PKD2: variants seen among roughly 807,000 people sequenced by gnomAD.
PKD2 encodes polycystin-2.
Under a neutral mutation model 105.9 loss-of-function variants are expected in PKD2, and 48 were observed. That is an observed-to-expected ratio of 0.45 (90% CI 0.36 to 0.58). PKD2 has a LOEUF of 0.58. PKD2 is among the 20% of genes least tolerant of loss of function. The pLI is 0.00. For synonymous variants in PKD2, 464 were observed against 481.1 expected (o/e 0.96, Z 0.46); for missense variants, 1,078 against 1,255.3 (o/e 0.86, Z 2.13).
chr4:88,038,184 G>A (rs565148053), intron 3 of PKD2, 67 bp from the exon 4 acceptor site: 16 of 1,548,970 alleles, frequency 1.0e-5, no homozygotes, highest in East Asian at 4.5e-5. Context: ...TTATGCAAAC[G>A]ATGCAGGCAG....
intron 10 of PKD2, among the ~76,000 whole-genome samples, chr4:88,064,481 C>T (rs1047523254): frequency 3.3e-5 from 5 of 152,140 alleles, no homozygotes; most frequent in Non-Finnish European, 5.9e-5. Flanking sequence ...GTAAAGATCA[C>T]AGAACAATTG....
intron 2 of PKD2, among the ~76,000 whole-genome samples, chr4:88,026,749 GCCAGGC>G (rs1270780970): frequency 2.6e-5 from 4 of 152,214 alleles, no homozygotes; most frequent in African/African-American, 7.2e-5. Flanking sequence ...AATGGTGTGA[GCCAGGC>G]CCAGGCCCAG....
Position 88,045,121 on chromosome 4 carries a change from A to G in PKD2, c.1320-1521A>G, listed in dbSNP as rs149512580. On this transcript the variant is annotated intron_variant, in intron 5 of 14. Transcript: ENST00000237596. ...TTTCTTCTGCTTCCTCCCTTACTTTAAGGATGAACATTGTTAAGACAACTG... is the reference window on the plus strand; with the variant it reads ...TTTCTTCTGCTTCCTCCCTTACTTTGAGGATGAACATTGTTAAGACAACTG... Among the ~76,000 whole-genome samples, 25 of 152,348 alleles carry G rather than the reference A, an allele frequency of 1.6e-4. No homozygotes were observed. In the East Asian group the frequency reaches 4.4e-3, roughly 27 times the overall value.
At position 88,065,801 on chromosome 4, in the gene PKD2, A is replaced by G. The variant is rs766627230; in HGVS notation, c.2280A>G (p.Thr760=). The G allele has an allele frequency of 6.2e-7, 1 of 1,613,726 alleles. No homozygotes were observed. ...ATGCAGAGATTGAGGCAATATTCAC[A>G]AAGTACGACCAAGATGGAGACCAAG... The part of the protein sequence containing the change: ...HTDAEIEAIF[T]KYDQDGDQEL... The change falls in exon 12 of 15, where the codon ACA becomes ACG. Residue 760 remains threonine, a synonymous_variant. Transcript: ENST00000237596.
At chr4:88,069,722 GTA>G (rs1720942597) in intron 13 of PKD2, among the ~76,000 whole-genome samples, 1 of 152,184 alleles carries the variant, frequency 6.6e-6, no homozygotes, top group South Asian at 2.1e-4. Flanking sequence ...AGAAGAGGAA[GTA>G]TATATTTATA....
chr4:88,017,287 T>C (rs1419558963), intron 1 of PKD2, among the ~76,000 whole-genome samples: 1 of 152,126 alleles, frequency 6.6e-6, no homozygotes, highest in Non-Finnish European at 1.5e-5. Context: ...GATAAATAAA[T>C]TCATACATAC....
At chr4:88,075,098 A>G (rs770955811) in intron 14 of PKD2, 139 bp downstream of exon 14, 1 of 878,496 alleles carries the variant, frequency 1.1e-6, no homozygotes, top group South Asian at 1.6e-5. Context: ...TGATGTTTCC[A>G]TTTACTCTCA....
In PKD2 at chr4:88,046,745, G is replaced by T. The variant is rs1474329673; in HGVS notation, c.1423G>T (p.Ala475Ser). 14 of 1,612,854 alleles carry T rather than the reference G, an allele frequency of 8.7e-6. No homozygotes were observed. The highest frequency in any genetic ancestry group is 1.2e-5 in the Non-Finnish European group (14 of 1,178,978). ...YVTTFDFFLA[A>S]CEIIFCFFIF... ...CACAACTTTTGATTTCTTCCTGGCAGCCTGTGAGATTATCTTTTGTTTCTT... is the reference window on the plus strand; with the variant it reads ...CACAACTTTTGATTTCTTCCTGGCATCCTGTGAGATTATCTTTTGTTTCTT... The change falls in exon 6 of 15, where the codon GCC (alanine) becomes TCC (serine). Residue 475 changes from alanine (A) to serine (S), a missense_variant. Around this residue, in one of 2 missense-constraint regions of PKD2, gnomAD observed 868 missense variants for 1,067.3 expected, o/e 0.81. Transcript: ENST00000237596.
intron 13 of PKD2, among the ~76,000 whole-genome samples, chr4:88,070,447 C>T (rs1720968094): frequency 6.6e-6 from 1 of 151,442 alleles, no homozygotes; most frequent in Non-Finnish European, 1.5e-5. Flanking sequence ...CATTTTTTTT[C>T]CCTCTCTGTT....
At chr4:88,035,317 A>G (rs1286504183) in intron 2 of PKD2, among the ~76,000 whole-genome samples, 1 of 152,168 alleles carries the variant, frequency 6.6e-6, no homozygotes, top group African/African-American at 2.4e-5. Context: ...TCCATTCAAG[A>G]TATGATTGGT....
At chr4:88,014,905 A>G (rs1309499667) in intron 1 of PKD2, among the ~76,000 whole-genome samples, 3 of 152,210 alleles carry the variant, frequency 2.0e-5, no homozygotes, top group African/African-American at 4.8e-5. Context: ...ACAACCCCAC[A>G]AAAAGGTACT....
At position 88,074,795 on chromosome 4, in the gene PKD2, C is replaced by G; in HGVS notation, c.2523-17C>G. 3 of 1,613,758 alleles carry G rather than the reference C, an allele frequency of 1.9e-6. No individual in the cohort carries two copies. Among genetic ancestry groups the G allele is most frequent in the Non-Finnish European group, 2.5e-6 (3 of 1,179,702 alleles). On this transcript the variant is annotated splice_polypyrimidine_tract_variant and intron_variant, in intron 13 of 14. Coordinates refer to ENST00000237596, the MANE Select transcript of PKD2 (RefSeq NM_000297.4). ...ATGACAAGCACTTTGTCCCTCTGTA[C>G]TGTGTTTTCCTTGCAGCCTGGTGAG...
intron 7 of PKD2, among the ~76,000 whole-genome samples, chr4:88,053,656 CAA>C (rs10717181): frequency 0.012 from 1,466 of 117,720 alleles, 11 homozygotes; most frequent in African/African-American, 0.036. Flanking sequence ...GACCCTGTCT[CAA>C]AAAAAAAAAA....
chr4:88,016,501 G>A (rs192445331), intron 1 of PKD2, among the ~76,000 whole-genome samples: 3 of 152,202 alleles, frequency 2.0e-5, no homozygotes, highest in Admixed American at 2.0e-4. Flanking sequence ...GTTGGCTGCA[G>A]GACAGCTATT....
chr4:88,075,411 C>A, intron 14 of PKD2, 47 bp from the exon 15 acceptor site: 2 of 1,332,666 alleles, frequency 1.5e-6, no homozygotes, highest in Non-Finnish European at 2.2e-6. Flanking sequence ...CTTCCTAAGG[C>A]ATTTCCTTCT....
At chr4:88,074,600 G>A (rs972691996) in intron 13 of PKD2, among the ~76,000 whole-genome samples, 1 of 152,174 alleles carries the variant, frequency 6.6e-6, no homozygotes, top group Non-Finnish European at 1.5e-5. Context: ...TAAGACTTCT[G>A]ATACGCGCTG....
At chr4:88,011,891 A>G (rs1331864083) in intron 1 of PKD2, among the ~76,000 whole-genome samples, 1 of 3,916 alleles carries the variant, frequency 2.6e-4, no homozygotes, top group African/African-American at 1.8e-3. Context: ...ACAGGTTTTC[A>G]ATGGGGGGGG....
At chr4:88,046,419 T>C (rs1325856296) in intron 5 of PKD2, among the ~76,000 whole-genome samples, 1 of 152,162 alleles carries the variant, frequency 6.6e-6, no homozygotes, top group African/African-American at 2.4e-5. Context: ...AGTACTCCTT[T>C]GGGACTGAAA....
intron 12 of PKD2, 49 bp downstream of exon 12, chr4:88,065,928 A>G: frequency 1.0e-6 from 1 of 980,564 alleles, no homozygotes; most frequent in East Asian, 2.4e-5. Flanking sequence ...CTACAACACC[A>G]CAGATGTATC....
Sources: gnomAD v4.1 joint callset for allele counts (sites outside exome capture counted in the v4.1 genomes callset) on GRCh38, gnomAD v4.1.1 for gene constraint, gnomAD v4.1.1 regional missense constraint, MANE v1.5 for transcripts, NCBI Gene and HGNC (gene_info 2026-07-23, HGNC 2026-07-21) for gene names.